Variants in CRYL1 observed in about 807,000 individuals in gnomAD.
CRYL1 encodes the protein lambda-crystallin homolog.
Under a neutral mutation model 36.6 loss-of-function variants are expected in CRYL1, and 29 were observed. The observed-to-expected ratio is 0.79, with a 90% CI of 0.59 to 1.08. The LOEUF is 1.08. CRYL1 is among the 50% of genes least tolerant of loss of function. CRYL1 has a pLI of 0.00. For missense variants in CRYL1, 411 were observed against 407.9 expected (o/e 1.01, Z -0.06); for synonymous variants, 152 against 151.5 (o/e 1.00, Z -0.02).
At position 20,502,021 on chromosome 13, in the gene CRYL1, A is replaced by G. The variant is rs572035804; in HGVS notation, c.149+10422T>C. 5.9e-5 allele frequency among the ~76,000 whole-genome samples: 9 copies of G among 152,306 alleles called. 1 individual carries two copies. The South Asian group carries it at 1.0e-3, about 18-fold the overall frequency. Reference sequence around the variant, plus strand: ...ATGGCAGGTGTTTCTGAAGTTGGGAAGAGGGCAGAACACTCAAGTTTTCAT... The same window carrying G: ...ATGGCAGGTGTTTCTGAAGTTGGGAGGAGGGCAGAACACTCAAGTTTTCAT... On this transcript the variant is annotated intron_variant, in intron 2 of 7. Transcript: ENST00000298248.
intron 2 of CRYL1, among the ~76,000 whole-genome samples, chr13:20,507,276 C>T (rs191336568): frequency 2.9e-4 from 44 of 152,268 alleles, no homozygotes; most frequent in African/African-American, 7.9e-4. Flanking sequence ...GAAAATTATA[C>T]GAACAAAGTT....
intron 3 of CRYL1, among the ~76,000 whole-genome samples, chr13:20,483,768 T>C (rs1210952205): frequency 6.6e-6 from 1 of 152,246 alleles, no homozygotes; most frequent in Admixed American, 6.5e-5. Context: ...CTCGAACTCC[T>C]GAGCTCAAGT....
intron 4 of CRYL1, 60 bp downstream of exon 4, chr13:20,439,533 A>C: frequency 7.8e-7 from 1 of 1,284,950 alleles, no homozygotes; most frequent in Non-Finnish European, 1.0e-6. Context: ...AAAAAAAAGA[A>C]AAAAAAAAAA....
chr13:20,418,049 C>T (rs1401116892), intron 5 of CRYL1, among the ~76,000 whole-genome samples: 1 of 152,200 alleles, frequency 6.6e-6, no homozygotes, highest in Non-Finnish European at 1.5e-5. Context: ...CAGGCAGGAA[C>T]TACCCCACAG....
At chr13:20,405,887 G>C (rs1253105863) in intron 6 of CRYL1, 1 of 152,364 alleles carries the variant, frequency 6.6e-6, no homozygotes, top group Non-Finnish European at 1.5e-5. Flanking sequence ...CCGACCCGCT[G>C]GGCCCCGCAG....
At chr13:20,451,830 G>T (rs1689072145) in intron 3 of CRYL1, among the ~76,000 whole-genome samples, 1 of 152,246 alleles carries the variant, frequency 6.6e-6, no homozygotes, top group East Asian at 1.9e-4. Flanking sequence ...AGATGCACTT[G>T]CACTTTCATC....
intron 2 of CRYL1, among the ~76,000 whole-genome samples, chr13:20,491,619 C>T (rs764697643): frequency 6.6e-6 from 1 of 152,030 alleles, no homozygotes; most frequent in Non-Finnish European, 1.5e-5. Flanking sequence ...GGTGAAACCT[C>T]GTCTCTACAA....
chr13:20,449,815 C>T lies in CRYL1; in HGVS notation c.277-10061G>A, dbSNP rs1472199979. The stretch of plus-strand genomic sequence containing the variant: ...ACACCAATAATCTTCAAGCTGAGAG[C>T]CAAATTAAGGACACAATCCCATTTA... On this transcript the variant is annotated intron_variant, in intron 3 of 7. Transcript: ENST00000298248. Among the ~76,000 whole-genome samples the T allele has an allele frequency of 5.3e-5, 8 of 152,052 alleles. 1 individual carries two copies. The highest frequency in any genetic ancestry group is 1.0e-4 in the Non-Finnish European group (7 of 68,002).
intron 5 of CRYL1, chr13:20,430,565 C>T: frequency 1.0e-6 from 1 of 985,406 alleles, no homozygotes; most frequent in Non-Finnish European, 1.2e-6. Context: ...GCCTGCCCTC[C>T]TCCAGCAGCA....
At chr13:20,475,850 C>T (rs927227977) in intron 3 of CRYL1, among the ~76,000 whole-genome samples, 1 of 152,194 alleles carries the variant, frequency 6.6e-6, no homozygotes, top group African/African-American at 2.4e-5. Flanking sequence ...AAGCAAGAAG[C>T]AAAAGGCCGC....
intron 2 of CRYL1, among the ~76,000 whole-genome samples, chr13:20,511,661 A>G (rs1226143204): frequency 3.3e-5 from 5 of 152,238 alleles, no homozygotes; most frequent in African/African-American, 4.8e-5. Flanking sequence ...TAAGGATAAT[A>G]ACCAGCTAAC....
intron 5 of CRYL1, among the ~76,000 whole-genome samples, chr13:20,423,453 A>T (rs2031863959): frequency 6.6e-6 from 1 of 152,126 alleles, no homozygotes; most frequent in African/African-American, 2.4e-5. Flanking sequence ...ATCTAATTTG[A>T]AGAGAGTTTT....
chr13:20,427,167 G>A, intron 5 of CRYL1: 2 of 985,442 alleles, frequency 2.0e-6, no homozygotes, highest in Middle Eastern at 5.2e-4. Flanking sequence ...GACTTGAAAT[G>A]ACATCCCAGC....
intron 5 of CRYL1, among the ~76,000 whole-genome samples, chr13:20,426,311 G>A (rs968005264): frequency 6.7e-6 from 1 of 148,702 alleles, no homozygotes; most frequent in Non-Finnish European, 1.5e-5. Context: ...GTCTCACTAT[G>A]TTACCCAGGC....
At chr13:20,404,347 A>G (rs2031308849) in intron 7 of CRYL1, 105 bp from the exon 8 acceptor site, 1 of 759,404 alleles carries the variant, frequency 1.3e-6, no homozygotes, top group East Asian at 2.6e-5. Context: ...CTGCTTTCAA[A>G]GACAAAAGCA....
At chr13:20,458,064 A>G (rs1245254447) in intron 3 of CRYL1, among the ~76,000 whole-genome samples, 3 of 152,246 alleles carry the variant, frequency 2.0e-5, no homozygotes, top group African/African-American at 7.2e-5. Flanking sequence ...AACCACAGGA[A>G]GAAAGCCACA....
chr13:20,507,719 C>G (rs567108065), intron 2 of CRYL1, among the ~76,000 whole-genome samples: 14 of 151,876 alleles, frequency 9.2e-5, no homozygotes, highest in South Asian at 2.1e-4. Flanking sequence ...GAGATCGAGA[C>G]CATCCTGGCT....
At chr13:20,420,548 G>A (rs1315399114) in intron 5 of CRYL1, among the ~76,000 whole-genome samples, 1 of 150,826 alleles carries the variant, frequency 6.6e-6, no homozygotes, top group Non-Finnish European at 1.5e-5. Context: ...CCAGCTAAAT[G>A]AAATATCATA....
chr13:20,440,925 G>A (rs1482164081), intron 3 of CRYL1, among the ~76,000 whole-genome samples: 4 of 152,166 alleles, frequency 2.6e-5, no homozygotes, highest in South Asian at 2.1e-4. Flanking sequence ...AACATCCAGC[G>A]CTGGTCCACA....
Sources: gnomAD v4.1 joint callset for allele counts (sites outside exome capture counted in the v4.1 genomes callset) on GRCh38, gnomAD v4.1.1 for gene constraint, MANE v1.5 for transcripts, NCBI Gene and HGNC (gene_info 2026-07-23, HGNC 2026-07-21) for gene names.